CEP135: variants seen among roughly 807,000 people sequenced by gnomAD.
The protein encoded by CEP135 is centrosomal protein 135, also known as centrosomal protein of 135 kDa.
A neutral mutation model predicts 157.3 loss-of-function variants in CEP135; 142 were observed. The observed-to-expected ratio is 0.90, with a 90% CI of 0.79 to 1.04. The LOEUF (loss-of-function observed/expected upper bound fraction) is 1.04. Ranked by LOEUF, CEP135 falls within the 50% of genes least tolerant of loss-of-function variation. The pLI, the probability that CEP135 is intolerant of heterozygous loss-of-function variation, is 0.00. For missense variants in CEP135, 1,317 were observed against 1,309.2 expected (o/e 1.01, Z -0.09); for synonymous variants, 396 against 439.8 (o/e 0.90, Z 1.25).
In CEP135 at chr4:56,024,586, G is replaced by C. The variant is rs1322018750; in HGVS notation, c.3406G>C (p.Glu1136Gln). Residue 1136 changes from glutamate to glutamine, a missense_variant, in exon 25 of 26, where the codon GAA (glutamate) becomes CAA (glutamine). Glu to Gln is a conservative substitution (Grantham distance 29). Coordinates refer to ENST00000257287, the MANE Select transcript of CEP135 (RefSeq NM_025009.5). ...STLRSPSHSPEHRNV is the reference protein window; with the variant it reads ...STLRSPSHSPQHRNV Reference sequence around the variant, plus strand: ...TCTGAGGTCTCCTTCACATTCTCCTGAACATAGAAATGTGTAATTATCAGA... The same window carrying C: ...TCTGAGGTCTCCTTCACATTCTCCTCAACATAGAAATGTGTAATTATCAGA... 6.2e-7 allele frequency: 1 copy of C among 1,612,184 alleles called. No homozygotes were observed. Among genetic ancestry groups the C allele is most frequent in the Non-Finnish European group, 8.5e-7 (1 of 1,178,520 alleles).
chr4:56,032,046 A>G lies in CEP135; in HGVS notation c.*698A>G, dbSNP rs930455556. The stretch of plus-strand genomic sequence containing the variant: ...AACACAAATTCAAAAGCAAACTAAA[A>G]GCTATATGCAGAGTTTTGTATAAAA... On this transcript the variant is annotated 3_prime_UTR_variant, in exon 26 of 26. Transcript: ENST00000257287. 2 of 152,344 alleles carry G rather than the reference A, an allele frequency of 1.3e-5. No individual in the cohort carries two copies. The highest frequency in any genetic ancestry group is 3.9e-4 in the East Asian group (2 of 5,190). 9.4% of individuals were successfully genotyped at this position (152,344 alleles called of 1,614,324 possible).
At position 55,999,306 on chromosome 4, in the gene CEP135, G is replaced by C; in HGVS notation, c.2014G>C (p.Val672Leu). ...TTTTGTCCATTGATTCTTTAGGATAGTGAATGAGCAGCTACAGCGGTCAGT... is the reference window on the plus strand; with the variant it reads ...TTTTGTCCATTGATTCTTTAGGATACTGAATGAGCAGCTACAGCGGTCAGT... Reference protein sequence around the residue: ...QKTEVNSLRIVNEQLQRSVDD... With the variant: ...QKTEVNSLRILNEQLQRSVDD... The change falls in exon 16 of 26, where the codon GTG becomes CTG. Residue 672 changes from valine to leucine, a missense_variant. Physicochemically the swap from Val to Leu is conservative, Grantham distance 32. Coordinates refer to ENST00000257287, the MANE Select transcript of CEP135 (RefSeq NM_025009.5). 6.2e-7 allele frequency: 1 copy of C among 1,612,504 alleles called. No individual in the cohort carries two copies. Among genetic ancestry groups the C allele is most frequent in the Non-Finnish European group, 8.5e-7 (1 of 1,179,036 alleles).
intron 21 of CEP135, among the ~76,000 whole-genome samples, chr4:56,015,515 G>A (rs1293394711): frequency 6.6e-6 from 1 of 152,228 alleles, no homozygotes; most frequent in Non-Finnish European, 1.5e-5. Context: ...CCCCCTGGCT[G>A]GCTCAGAGAA....
intron 20 of CEP135, 66 bp from the exon 21 acceptor site, chr4:56,011,734 A>G: frequency 7.6e-7 from 1 of 1,317,894 alleles, no homozygotes. Flanking sequence ...GTATGTGTTT[A>G]TGACATAGGT....
intron 8 of CEP135, among the ~76,000 whole-genome samples, chr4:55,967,507 A>T (rs753361546): frequency 2.6e-5 from 4 of 152,126 alleles, no homozygotes; most frequent in Admixed American, 6.6e-5. Context: ...TATAAAAGGG[A>T]GGGTAGGAAT....
chr4:56,002,526 A>C (rs1003773798), intron 17 of CEP135, among the ~76,000 whole-genome samples: 2 of 152,136 alleles, frequency 1.3e-5, no homozygotes, highest in Non-Finnish European at 2.9e-5. Context: ...TTAATGTATC[A>C]CATTTATTGA....
At chr4:56,022,921 C>A (rs1379497639) in intron 24 of CEP135, among the ~76,000 whole-genome samples, 1 of 152,026 alleles carries the variant, frequency 6.6e-6, no homozygotes, top group African/African-American at 2.4e-5. Context: ...TATAGTGTGA[C>A]CCCTAGCTCT....
Position 56,017,665 on chromosome 4 carries a change from T to C in CEP135, c.2820T>C (p.His940=), listed in dbSNP as rs149674004. 1.1e-4 allele frequency: 169 copies of C among 1,608,172 alleles called. 1 individual carries two copies. In the African/African-American group the frequency reaches 2.0e-3, roughly 19 times the overall value. ...KEIQEHINAH[H]AYESQISSMA... ...TTTTTCAGCACATAAATGCCCATCA[T>C]GCTTATGAATCTCAGATCTCATCAA... The change falls in exon 22 of 26, where the codon CAT becomes CAC. Residue 940 remains histidine (H), a synonymous_variant. Coordinates refer to ENST00000257287, the MANE Select transcript of CEP135 (RefSeq NM_025009.5).
intron 24 of CEP135, among the ~76,000 whole-genome samples, chr4:56,022,334 C>G (rs1457086404): frequency 6.6e-6 from 1 of 152,076 alleles, no homozygotes. Flanking sequence ...ATCATACATT[C>G]TCATCGGTGC....
intron 14 of CEP135, among the ~76,000 whole-genome samples, chr4:55,988,519 G>A (rs1009070628): frequency 1.3e-5 from 2 of 152,128 alleles, no homozygotes; most frequent in Admixed American, 1.3e-4. Context: ...AATTTGCCAG[G>A]TGAGGTGGCA....
chr4:55,968,662 G>T (rs889379205), intron 8 of CEP135, among the ~76,000 whole-genome samples: 1 of 151,988 alleles, frequency 6.6e-6, no homozygotes. Context: ...GTTCCTATTG[G>T]GTCATAATAT....
intron 25 of CEP135, among the ~76,000 whole-genome samples, chr4:56,026,445 C>T (rs914448253): frequency 2.0e-5 from 3 of 152,160 alleles, no homozygotes; most frequent in Admixed American, 6.5e-5. Context: ...TAAATGAAAT[C>T]ATGTTCCTGG....
At chr4:55,961,896 ATTG>A (rs901963480) in intron 6 of CEP135, among the ~76,000 whole-genome samples, 1 of 149,082 alleles carries the variant, frequency 6.7e-6, no homozygotes, top group Non-Finnish European at 1.5e-5. Flanking sequence ...TGGGCAGGGT[ATTG>A]TTCTTCCTGT....
intron 14 of CEP135, among the ~76,000 whole-genome samples, chr4:55,989,967 T>C (rs993520693): frequency 5.9e-5 from 9 of 152,324 alleles, no homozygotes; most frequent in African/African-American, 2.2e-4. Flanking sequence ...AAATGCAGCC[T>C]CCAGTCTGTT....
In CEP135 at chr4:55,964,340, G is replaced by A. The variant is rs745647689; in HGVS notation, c.766G>A (p.Val256Ile). 2 of 1,613,386 alleles carry A rather than the reference G, an allele frequency of 1.2e-6. No individual in the cohort carries two copies. The highest frequency in any genetic ancestry group is 2.2e-5 in the East Asian group (1 of 44,816). ...VALDGGRSPDVLSLESRNKTN... is the reference protein window; with the variant it reads ...VALDGGRSPDILSLESRNKTN... ...TTTGGATGGTGGTCGGTCCCCTGAT[G>A]TCCTTTCTCTGGAGTCTAGAAATAA... Residue 256 changes from valine to isoleucine, a missense_variant, in exon 7 of 26, where the codon GTC becomes ATC. By Grantham distance (29) the Val-to-Ile change is conservative. Transcript: ENST00000257287.
intron 15 of CEP135, among the ~76,000 whole-genome samples, chr4:55,994,800 C>T (rs1729914738): frequency 6.6e-6 from 1 of 151,884 alleles, no homozygotes; most frequent in East Asian, 1.9e-4. Context: ...ATTCTCCTGC[C>T]TCAGCCTCCC....
At chr4:56,030,494 C>A (rs188865002) in intron 25 of CEP135, among the ~76,000 whole-genome samples, 4 of 152,226 alleles carry the variant, frequency 2.6e-5, no homozygotes, top group Non-Finnish European at 5.9e-5. Flanking sequence ...GCTCTGTTGC[C>A]CAGACTGGAG....
intron 6 of CEP135, among the ~76,000 whole-genome samples, chr4:55,963,670 C>T (rs866945751): frequency 3.3e-5 from 5 of 152,126 alleles, no homozygotes; most frequent in African/African-American, 7.2e-5. Context: ...TGCTCAAACC[C>T]GGGAGGCAGA....
At chr4:56,024,182 A>G (rs1577916957) in intron 24 of CEP135, among the ~76,000 whole-genome samples, 1 of 147,914 alleles carries the variant, frequency 6.8e-6, no homozygotes, top group African/African-American at 2.5e-5. Context: ...TTTAAATCCT[A>G]TGTCTTTGTA....
Sources: gnomAD v4.1 joint callset for allele counts (sites outside exome capture counted in the v4.1 genomes callset) on GRCh38, gnomAD v4.1.1 for gene constraint, MANE v1.5 for transcripts, NCBI Gene and HGNC (gene_info 2026-07-23, HGNC 2026-07-21) for gene names.